Variants in IFITM10 observed in about 807,000 individuals in gnomAD.
The protein encoded by IFITM10 is interferon induced transmembrane protein 10, also known as interferon-induced transmembrane protein 10.
Under a neutral mutation model 19.0 loss-of-function variants are expected in IFITM10, and 17 were observed. The ratio of observed to expected loss-of-function variants is 0.90; its 90% confidence interval spans 0.61 to 1.34. The LOEUF (loss-of-function observed/expected upper bound fraction) is 1.34, where lower values mean the gene tolerates loss of function less well. Ranked by LOEUF, IFITM10 falls within the 40% of genes most tolerant of loss-of-function variation. The pLI, the probability that IFITM10 is intolerant of heterozygous loss-of-function variation, is 0.00. For missense variants in IFITM10, 306 were observed against 319.8 expected (o/e 0.96, Z 0.33); for synonymous variants, 148 against 147.2 (o/e 1.01, Z -0.04).
chr11:1,750,279 A>G (rs1446938901), intron 1 of IFITM10, 80 bp downstream of exon 1: 15 of 1,548,654 alleles, frequency 9.7e-6, no homozygotes, highest in Non-Finnish European at 1.3e-5. Flanking sequence ...CCCCATGGAG[A>G]AAACTCCAGC....
At chr11:1,747,311 T>C (rs1424883860) in intron 2 of IFITM10, among the ~76,000 whole-genome samples, 1 of 152,130 alleles carries the variant, frequency 6.6e-6, no homozygotes, top group African/African-American at 2.4e-5. Flanking sequence ...AAGTGGCTGC[T>C]GCCCAGGTCT....
rs1565016687 is a variant in IFITM10 at position 1,750,420 on chromosome 11, G to A, written c.23C>T (p.Pro8Leu). The A allele has an allele frequency of 2.6e-6, 4 of 1,550,232 alleles. No individual in the cohort carries two copies. The highest frequency in any genetic ancestry group is 2.4e-5 in the East Asian group (1 of 40,898). Residue 8 changes from proline (P) to leucine (L), a missense_variant, in exon 1 of 3, where the codon CCG becomes CTG. Pro to Leu is a moderately conservative substitution (Grantham distance 98). Coordinates refer to ENST00000340134, the MANE Select transcript of IFITM10 (RefSeq NM_001170820.4). Reference sequence around the variant, plus strand: ...CCCCCGGAAGCTGAGGATGCATGGCGGCCCCCGTTTTCCCTCCCTCATCTC... The same window carrying A: ...CCCCCGGAAGCTGAGGATGCATGGCAGCCCCCGTTTTCCCTCCCTCATCTC... MREGKRG[P>L]PCILSFRGTL...
chr11:1,746,206 TGCACACAC>T (rs1246571015), intron 2 of IFITM10: 2 of 191,410 alleles, frequency 1.0e-5, no homozygotes, highest in African/African-American at 2.5e-5. Context: ...ACACCACACA[TGCACACAC>T]GCCCTCACAC....
In IFITM10 at chr11:1,748,060, G is replaced by C. The variant is rs1186229911; in HGVS notation, c.144C>G (p.Gly48=). The C allele has an allele frequency of 2.1e-6, 3 of 1,419,146 alleles. No individual in the cohort carries two copies. In the East Asian group the frequency reaches 8.1e-5, roughly 38 times the overall value. The allele number at this position is 1,419,146 out of a possible 1,614,324, so 87.9% of individuals were successfully genotyped here. ...PLGDPASTTD[G]AQEARVPLDG... ...CCAGGGGGACTCGGGCTTCCTGGGC[G>C]CCGTCCGTGGTGCTGGCCGGGTCTC... Residue 48 remains glycine, a synonymous_variant, in exon 2 of 3, where the codon GGC becomes GGG. Transcript: ENST00000340134.
At chr11:1,742,473 T>C (rs1034877837) in intron 2 of IFITM10, among the ~76,000 whole-genome samples, 4 of 151,516 alleles carry the variant, frequency 2.6e-5, no homozygotes, top group African/African-American at 4.9e-5. Flanking sequence ...GAGCTGACAG[T>C]TGGGGTGAGC....
At chr11:1,750,325 C>T (rs980878236) in intron 1 of IFITM10, 34 bp downstream of exon 1, 5 of 1,550,408 alleles carry the variant, frequency 3.2e-6, no homozygotes, top group African/African-American at 1.4e-5. Flanking sequence ...CACTTCACCA[C>T]GCAGGTTCCC....
intron 2 of IFITM10, among the ~76,000 whole-genome samples, chr11:1,743,925 G>A (rs747350757): frequency 2.0e-5 from 3 of 148,556 alleles, no homozygotes; most frequent in Non-Finnish European, 2.9e-5. Context: ...TTTCAAACCC[G>A]TTCACCGCAC....
chr11:1,737,502 GCTC>G (rs1426266325), intron 2 of IFITM10, among the ~76,000 whole-genome samples: 2 of 152,308 alleles, frequency 1.3e-5, no homozygotes, highest in East Asian at 1.9e-4. Flanking sequence ...TTACTCTTCT[GCTC>G]CTCATTTCCT....
At chr11:1,746,495 C>T (rs1354922057) in intron 2 of IFITM10, 4 of 398,308 alleles carry the variant, frequency 1.0e-5, no homozygotes, top group Non-Finnish European at 1.8e-5. Context: ...CACACAGGCC[C>T]CTGTGTCAGA....
At chr11:1,749,605 T>G (rs542946442) in intron 1 of IFITM10, among the ~76,000 whole-genome samples, 14 of 151,922 alleles carry the variant, frequency 9.2e-5, no homozygotes, top group African/African-American at 3.4e-4. Flanking sequence ...GTCCTGCCCT[T>G]CTGGCCTGTT....
At position 1,747,864 on chromosome 11, in the gene IFITM10, C is replaced by T. The variant is rs2133650787; in HGVS notation, c.340G>A (p.Asp114Asn). 1 of 1,537,456 alleles carries T rather than the reference C, an allele frequency of 6.5e-7. No homozygotes were observed. Among genetic ancestry groups the T allele is most frequent in the Non-Finnish European group, 8.8e-7 (1 of 1,139,158 alleles). ...FPMESKSSKT[D>N]SVRAAGAPPA... ...GGCGCGCCGGCAGCCCGCACGCTGT[C>T]GGTCTTGCTGCTCTTGGACTCCATG... The change falls in exon 2 of 3, where the codon GAC becomes AAC. Residue 114 changes from aspartate to asparagine, a missense_variant. Transcript: ENST00000340134.
chr11:1,747,324 G>A (rs925741301), intron 2 of IFITM10, among the ~76,000 whole-genome samples: 3 of 152,060 alleles, frequency 2.0e-5, no homozygotes, highest in African/African-American at 4.8e-5. Flanking sequence ...CCAGGTCTAC[G>A]TCCCATGTCC....
At chr11:1,740,529 T>C (rs1845554276) in intron 2 of IFITM10, among the ~76,000 whole-genome samples, 1 of 152,018 alleles carries the variant, frequency 6.6e-6, no homozygotes, top group Non-Finnish European at 1.5e-5. Context: ...TCAAGGTTTT[T>C]GGGGTTTGAT....
At chr11:1,746,277 T>C (rs907694340) in intron 2 of IFITM10, 22 of 290,420 alleles carry the variant, frequency 7.6e-5, no homozygotes, top group Non-Finnish European at 1.3e-4. Flanking sequence ...ATTACACACA[T>C]GCACACATAT....
At chr11:1,739,799 G>C (rs1274934393) in intron 2 of IFITM10, among the ~76,000 whole-genome samples, 1 of 152,160 alleles carries the variant, frequency 6.6e-6, no homozygotes, top group African/African-American at 2.4e-5. Context: ...TGGGAGCATA[G>C]AGCTGTCTGT....
Position 1,748,094 on chromosome 11 carries a change from G to T in IFITM10, c.110C>A (p.Ala37Asp). The change falls in exon 2 of 3, where the codon GCC becomes GAC. Residue 37 changes from alanine to aspartate, a missense_variant. Transcript: ENST00000340134. ...LEAQGPGQCP[A>D]PLGDPASTTD... ...GGTGCTGGCCGGGTCTCCCAGCGGG[G>T]CTGGGCACTGGCCGGGGCCCTGGGC... The T allele has an allele frequency of 4.3e-6, 6 of 1,405,286 alleles. No individual in the cohort carries two copies. The highest frequency in any genetic ancestry group is 5.5e-6 in the Non-Finnish European group (6 of 1,087,392). 87.1% of individuals were successfully genotyped at this position (1,405,286 alleles called of 1,614,324 possible).
In IFITM10 at chr11:1,734,897, T is replaced by G. The variant is rs1851067106; in HGVS notation, c.*383A>C. On this transcript the variant is annotated 3_prime_UTR_variant, in exon 3 of 3. Coordinates refer to ENST00000340134, the MANE Select transcript of IFITM10 (RefSeq NM_001170820.4). ...GCAGGGTCGGGGAGCACAGAGTGAG[T>G]CCTCCCAACCTGGGACAATTTTGCA... The G allele has an allele frequency of 4.5e-6, 1 of 223,938 alleles. No individual in the cohort carries two copies. The allele number at this position is 223,938 out of a possible 1,614,324, so 13.9% of individuals were successfully genotyped here. A position where few individuals can be genotyped will look rare whatever the true frequency, so the allele number is the denominator to read the frequency against.
intron 2 of IFITM10, among the ~76,000 whole-genome samples, chr11:1,739,053 C>CAAAAAA (rs71025777): frequency 2.6e-4 from 11 of 42,114 alleles, no homozygotes; most frequent in African/African-American, 1.1e-3. Flanking sequence ...GACTCCGTCT[C>CAAAAAA]AAAAAAAAAA....
chr11:1,738,306 C>T (rs144298435), intron 2 of IFITM10, among the ~76,000 whole-genome samples: 6 of 152,300 alleles, frequency 3.9e-5, no homozygotes, highest in Non-Finnish European at 7.3e-5. Context: ...AAGTTTCATA[C>T]GCATTTTCGT....
Sources: gnomAD v4.1 joint callset for allele counts (sites outside exome capture counted in the v4.1 genomes callset) on GRCh38, gnomAD v4.1.1 for gene constraint, MANE v1.5 for transcripts, NCBI Gene and HGNC (gene_info 2026-07-23, HGNC 2026-07-21) for gene names.